The following VSIG1 variants were observed in gnomAD, a reference collection of about 807,000 sequenced individuals.
VSIG1 encodes the protein V-set and immunoglobulin domain containing 1, also known as V-set and immunoglobulin domain-containing protein 1.
A neutral mutation model predicts 20.1 loss-of-function variants in VSIG1; 11 were observed. The ratio of observed to expected loss-of-function variants is 0.55; its 90% CI spans 0.34 to 0.91. The LOEUF is 0.91. VSIG1 is among the 40% of genes least tolerant of loss of function. VSIG1 has a pLI of 0.02. For synonymous variants in VSIG1, 126 were observed against 116.7 expected, an observed-to-expected ratio of 1.08 and a Z score of -0.52; for missense variants, 283 against 298.8, an observed-to-expected ratio of 0.95 and a Z score of 0.39.
At chrX:108,038,722 A>G in the VSIG1 span, among the ~76,000 whole-genome samples, 1 of 112,177 alleles carries the variant, frequency 8.9e-6, no homozygotes, top group East Asian at 2.8e-4. Flanking sequence ...CTAGTTGAGG[A>G]TTCAACAAGG....
chrX:108,039,221 C>T, the VSIG1 span, among the ~76,000 whole-genome samples: 5 of 111,968 alleles, frequency 4.5e-5, no homozygotes, highest in South Asian at 1.9e-3. Flanking sequence ...GCTCCCCAGT[C>T]GCCCAAGCTG....
At chrX:108,050,626 T>C (rs202234612) in intron 1 of VSIG1, among the ~76,000 whole-genome samples, 1 of 112,274 alleles carries the variant, frequency 8.9e-6, no homozygotes, top group African/African-American at 3.2e-5. Context: ...AGTGGCAGGC[T>C]GGATTTGGGT....
At chrX:108,064,296 C>T (rs766512380) in intron 2 of VSIG1, among the ~76,000 whole-genome samples, 1 of 111,592 alleles carries the variant, frequency 9.0e-6, no homozygotes, top group Non-Finnish European at 1.9e-5. Context: ...TGTTAGCCCT[C>T]ACTACCCCCA....
the VSIG1 span, among the ~76,000 whole-genome samples, chrX:108,025,309 G>C: frequency 8.9e-6 from 1 of 111,922 alleles, no homozygotes. Context: ...AGCATTAAGA[G>C]AATAAAGTAT....
In VSIG1 at chrX:108,079,109, C is replaced by T. The variant is rs1382155626; in HGVS notation, c.*1728C>T. 1 of 112,162 alleles carries T rather than the reference C, an allele frequency of 8.9e-6. No individual in the cohort carries two copies. Among genetic ancestry groups the T allele is most frequent in the Non-Finnish European group, 1.9e-5 (1 of 53,217 alleles). The allele number at this position is 112,162 out of a possible 1,213,427, so 9.2% of individuals were successfully genotyped here. ...CTCATAATGTCTCATTTTAGTGACT[C>T]CTAAGGCTAGTCCTTTTATAAACAA... is the stretch of plus-strand genomic sequence containing the variant. On this transcript the variant is annotated 3_prime_UTR_variant, in exon 7 of 7. Transcript: ENST00000217957.
chrX:108,050,576 C>G (rs907432876), intron 1 of VSIG1, among the ~76,000 whole-genome samples: 1 of 112,305 alleles, frequency 8.9e-6, no homozygotes, highest in East Asian at 2.8e-4. Flanking sequence ...CTAAAATAGC[C>G]CTTTGGAAAG....
At chrX:108,072,514 A>G (rs2031269260) in intron 3 of VSIG1, among the ~76,000 whole-genome samples, 163 bp from the exon 4 acceptor site, 1 of 111,603 alleles carries the variant, frequency 9.0e-6, no homozygotes, top group Non-Finnish European at 1.9e-5. Context: ...CGGCCTTCCA[A>G]ATTGCTGGGA....
chrX:108,073,438 A>G, intron 5 of VSIG1, 69 bp downstream of exon 5: 1 of 1,134,419 alleles, frequency 8.8e-7, no homozygotes, highest in Non-Finnish European at 1.2e-6. Flanking sequence ...AGACAAATAA[A>G]TTAGTTAGGA....
At chrX:108,040,552 C>A (rs78008842), upstream of VSIG1, among the ~76,000 whole-genome samples, 1 of 111,793 alleles carries the variant, frequency 8.9e-6, no homozygotes, top group African/African-American at 3.2e-5. Flanking sequence ...AATTCCATTT[C>A]TAGGGACCTA....
the VSIG1 span, among the ~76,000 whole-genome samples, chrX:108,019,871 C>T: frequency 2.1e-4 from 23 of 111,485 alleles, no homozygotes; most frequent in African/African-American, 7.5e-4. Flanking sequence ...GGGGACTCTA[C>T]CACGGCTAGG....
chrX:108,024,988 T>C, the VSIG1 span, among the ~76,000 whole-genome samples: 1 of 111,490 alleles, frequency 9.0e-6, no homozygotes, highest in Non-Finnish European at 1.9e-5. Context: ...GTTGTTTACG[T>C]CTTCTGTTTC....
chrX:108,040,352 G>C (rs1372769615), upstream of VSIG1, among the ~76,000 whole-genome samples: 1 of 111,609 alleles, frequency 9.0e-6, no homozygotes, highest in Non-Finnish European at 1.9e-5. Flanking sequence ...AAAAATAAAA[G>C]GCTGAGGACC....
chrX:108,066,459 A>ATGAACATT (rs1463900326), intron 2 of VSIG1, among the ~76,000 whole-genome samples: 1 of 112,148 alleles, frequency 8.9e-6, no homozygotes, highest in Non-Finnish European at 1.9e-5. Context: ...TAAAAGGAGC[A>ATGAACATT]TGAACATTTG....
chrX:108,076,060 C>A lies in VSIG1; in HGVS notation c.689-17C>A, dbSNP rs185620888. The A allele has an allele frequency of 2.5e-6, 3 of 1,208,175 alleles. No individual in the cohort carries two copies. The South Asian group carries it at 5.3e-5, about 21-fold the overall frequency. ...CAATATATTCCACTTTATTAACCAGCTGCTTGTATCCTTCAGATCCAGAAG... is the reference window on the plus strand; with the variant it reads ...CAATATATTCCACTTTATTAACCAGATGCTTGTATCCTTCAGATCCAGAAG... On this transcript the variant is annotated splice_polypyrimidine_tract_variant and intron_variant, in intron 5 of 6. Coordinates refer to ENST00000217957, the MANE Select transcript of VSIG1 (RefSeq NM_182607.5).
At chrX:108,032,467 T>C in the VSIG1 span, among the ~76,000 whole-genome samples, 492 of 111,817 alleles carry the variant, frequency 4.4e-3, 3 homozygotes, top group African/African-American at 0.015. Flanking sequence ...CATATTTTAG[T>C]GCAGAAAGAC....
chrX:108,043,077 C>T (rs1174230284), upstream of VSIG1, among the ~76,000 whole-genome samples: 4 of 110,883 alleles, frequency 3.6e-5, no homozygotes, highest in Non-Finnish European at 7.6e-5. Context: ...GCCAGGGGGC[C>T]GTGAAGGTGG....
At chrX:108,026,753 G>T in the VSIG1 span, among the ~76,000 whole-genome samples, 5 of 111,305 alleles carry the variant, frequency 4.5e-5, no homozygotes, top group African/African-American at 1.6e-4. Flanking sequence ...AACCTACAAA[G>T]AATTCTGAGT....
chrX:108,039,057 G>C, the VSIG1 span, among the ~76,000 whole-genome samples: 2 of 111,575 alleles, frequency 1.8e-5, no homozygotes, highest in African/African-American at 6.5e-5. Context: ...GAAATACAAA[G>C]GGCACTGGAA....
intron 4 of VSIG1, among the ~76,000 whole-genome samples, chrX:108,073,041 C>T (rs1314749947): frequency 9.0e-6 from 1 of 111,130 alleles, no homozygotes; most frequent in East Asian, 2.8e-4. Context: ...ATTCTAAAAG[C>T]CAGCTCAGAG....
Sources: gnomAD v4.1 joint callset for allele counts (sites outside exome capture counted in the v4.1 genomes callset) on GRCh38, gnomAD v4.1.1 for gene constraint, MANE v1.5 for transcripts, NCBI Gene and HGNC (gene_info 2026-07-23, HGNC 2026-07-21) for gene names.